The following BEAN1 variants were observed in gnomAD, a reference collection of about 807,000 sequenced individuals.
BEAN1 encodes protein BEAN1.
In BEAN1, 17 loss-of-function variants were observed where a neutral mutation model predicts 17.7. That is an observed-to-expected ratio of 0.96 (90% CI 0.66 to 1.44). The LOEUF (loss-of-function observed/expected upper bound fraction) is 1.44. Ranked by LOEUF, BEAN1 falls within the 40% of genes most tolerant of loss-of-function variation. BEAN1 has a pLI of 0.00. For synonymous variants in BEAN1, 142 were observed against 151.8 expected, an observed-to-expected ratio of 0.94 and a Z score of 0.47; for missense variants, 359 against 374.1, an observed-to-expected ratio of 0.96 and a Z score of 0.33.
Position 66,492,860 on chromosome 16 carries a change from G to C in BEAN1, c.148-102G>C, listed in dbSNP as rs538502020. 1.1e-4 allele frequency: 70 copies of C among 614,014 alleles called. 2 individuals are homozygous for C. The South Asian group carries it at 1.3e-3, about 11-fold the overall frequency. 38.0% of individuals were successfully genotyped at this position (614,014 alleles called of 1,614,324 possible). A position where few individuals can be genotyped will look rare whatever the true frequency, so the allele number is the denominator to read the frequency against. On this transcript the variant is annotated intron_variant, in intron 4 of 4. Transcript: ENST00000561796. Reference sequence around the variant, plus strand: ...ATCCACGTGCTTCTCAGGAGCCCCTGGTGTCCCTCGGCACCAGCCCTTGGT... The same window carrying C: ...ATCCACGTGCTTCTCAGGAGCCCCTCGTGTCCCTCGGCACCAGCCCTTGGT...
At chr16:66,440,679 G>A (rs1475766075) in intron 2 of BEAN1, among the ~76,000 whole-genome samples, 4 of 152,156 alleles carry the variant, frequency 2.6e-5, no homozygotes, top group Admixed American at 1.3e-4. Flanking sequence ...CGCTTTCAGC[G>A]GCAGCCTCTA....
chr16:66,464,079 CT>C (rs1306067199), intron 2 of BEAN1, among the ~76,000 whole-genome samples: 3 of 152,156 alleles, frequency 2.0e-5, no homozygotes, highest in Non-Finnish European at 4.4e-5. Flanking sequence ...CAACTTTGTT[CT>C]TCTTTTGAGG....
chr16:66,445,475 C>CAAAAAAAAAAAAAAAAAA (rs61540693), intron 2 of BEAN1, among the ~76,000 whole-genome samples: 2 of 49,304 alleles, frequency 4.1e-5, no homozygotes, highest in Non-Finnish European at 3.5e-5. Context: ...GACTCCGTCT[C>CAAAAAAAAAAAAAAAAAA]AAAAAAAAAA....
intron 2 of BEAN1, among the ~76,000 whole-genome samples, chr16:66,443,420 C>T (rs1044806333): frequency 2.2e-4 from 34 of 152,174 alleles, no homozygotes; most frequent in Non-Finnish European, 1.8e-4. Flanking sequence ...GAAAATGGTG[C>T]GGTCAGGGCT....
intron 1 of BEAN1, among the ~76,000 whole-genome samples, chr16:66,435,849 A>G (rs1961993517): frequency 6.6e-6 from 1 of 152,164 alleles, no homozygotes; most frequent in Non-Finnish European, 1.5e-5. Flanking sequence ...TCTGTGCTCA[A>G]AAGTCTAATC....
intron 2 of BEAN1, among the ~76,000 whole-genome samples, chr16:66,440,669 C>A (rs151064912): frequency 6.6e-6 from 1 of 152,212 alleles, no homozygotes; most frequent in East Asian, 1.9e-4. Context: ...TCAGCCTCAC[C>A]GCTTTCAGCG....
intron 1 of BEAN1, among the ~76,000 whole-genome samples, chr16:66,435,982 A>G (rs1961999229): frequency 6.6e-6 from 1 of 151,950 alleles, no homozygotes; most frequent in South Asian, 2.1e-4. Flanking sequence ...TGCTTTAGGG[A>G]TGAGGGATAT....
chr16:66,475,132 T>C (rs28635218), intron 3 of BEAN1, among the ~76,000 whole-genome samples: 152 of 151,984 alleles, frequency 1.0e-3, no homozygotes, highest in African/African-American at 3.5e-3. Context: ...GCTTCCGGAG[T>C]CCTGGACTAT....
At position 66,482,799 on chromosome 16, in the gene BEAN1, A is replaced by G. The variant is rs1964026455; in HGVS notation, c.*1874A>G. On this transcript the variant is annotated 3_prime_UTR_variant, in exon 5 of 5. Coordinates refer to ENST00000536005, the MANE Select transcript of BEAN1 (RefSeq NM_001178020.3). ...TTTCTGTGTTCAAAATAAATACATA[A>G]TATCAATAAAATGTAGCAAGAAGTA... 1 of 446,822 alleles carries G rather than the reference A, an allele frequency of 2.2e-6. No individual in the cohort carries two copies. The highest frequency in any genetic ancestry group is 1.6e-5 in the South Asian group (1 of 61,954). 27.7% of individuals were successfully genotyped at this position (446,822 alleles called of 1,614,324 possible). A position where few individuals can be genotyped will look rare whatever the true frequency, so the allele number is the denominator to read the frequency against.
intron 2 of BEAN1, among the ~76,000 whole-genome samples, chr16:66,460,996 G>A (rs1359050844): frequency 6.6e-6 from 1 of 152,170 alleles, no homozygotes; most frequent in Non-Finnish European, 1.5e-5. Flanking sequence ...AATACAGTAG[G>A]TGCTCAGGAG....
intron 2 of BEAN1, among the ~76,000 whole-genome samples, chr16:66,445,464 A>T: frequency 8.7e-6 from 1 of 115,602 alleles, no homozygotes; most frequent in East Asian, 2.9e-4. Flanking sequence ...CAAGAGAGTG[A>T]GACTCCGTCT....
chr16:66,454,433 A>G (rs1320834265), intron 2 of BEAN1, among the ~76,000 whole-genome samples: 1 of 152,218 alleles, frequency 6.6e-6, no homozygotes, highest in Non-Finnish European at 1.5e-5. Flanking sequence ...TAATACATAT[A>G]TAGTTTTTAT....
chr16:66,481,104 C>G lies in BEAN1; in HGVS notation c.*179C>G. On this transcript the variant is annotated 3_prime_UTR_variant, in exon 5 of 5. Transcript: ENST00000536005. The surrounding 1 kb of genome is among the most constrained non-coding windows in gnomAD (Gnocchi z 4.1). ...CCCCATGTACACACACAGATCTAGA[C>G]GTGCTCCACATATGTGTGAATATGC... is the stretch of plus-strand genomic sequence containing the variant. 1 of 537,196 alleles carries G rather than the reference C, an allele frequency of 1.9e-6. No homozygotes were observed. The highest frequency in any genetic ancestry group is 3.2e-6 in the Non-Finnish European group (1 of 314,840). 33.3% of individuals were successfully genotyped at this position (537,196 alleles called of 1,614,324 possible).
At chr16:66,493,251 G>A in exon 5 of BEAN1, 2 of 703,008 alleles carry the variant, frequency 2.8e-6, no homozygotes, top group Non-Finnish European at 2.6e-6. Context: ...GTGAAGCCCT[G>A]CAGCTGCCTC....
intron 2 of BEAN1, among the ~76,000 whole-genome samples, chr16:66,447,736 G>A (rs911097293): frequency 2.0e-5 from 3 of 152,170 alleles, no homozygotes; most frequent in African/African-American, 7.2e-5. Flanking sequence ...TACCTCATAG[G>A]TTGGTTGCAA....
chr16:66,443,326 AAGGGAGGGGTCAG>A (rs1962328872), intron 2 of BEAN1, among the ~76,000 whole-genome samples: 2 of 152,192 alleles, frequency 1.3e-5, no homozygotes, highest in South Asian at 2.1e-4. Flanking sequence ...GAAGTCCTGC[AAGGGAGGGGTCAG>A]TGTGCCCATT....
intron 2 of BEAN1, among the ~76,000 whole-genome samples, chr16:66,460,668 T>C (rs909110110): frequency 6.6e-6 from 1 of 152,230 alleles, no homozygotes; most frequent in African/African-American, 2.4e-5. Context: ...GCTCTGGCTA[T>C]ATATCAAGTG....
chr16:66,477,004 T>C (rs1052050301), intron 3 of BEAN1, among the ~76,000 whole-genome samples: 4 of 152,106 alleles, frequency 2.6e-5, no homozygotes, highest in African/African-American at 9.7e-5. Context: ...TCTGAAGCCC[T>C]CATTCCTTGC....
chr16:66,480,817 C>T lies in BEAN1; in HGVS notation c.672C>T (p.Pro224=). 1.9e-6 allele frequency: 3 copies of T among 1,539,918 alleles called. No individual in the cohort carries two copies. Among genetic ancestry groups the T allele is most frequent in the Admixed American group, 2.0e-5 (1 of 50,272 alleles). Residue 224 remains proline (P), a synonymous_variant, in exon 5 of 5, where the codon CCC becomes CCT. Coordinates refer to ENST00000536005, the MANE Select transcript of BEAN1 (RefSeq NM_001178020.3). ...PPYEAVCGAG[P]PSGLLPLPGP... is the part of the protein sequence containing the mutation. ...ACGAGGCTGTGTGCGGGGCTGGCCC[C>T]CCATCAGGCCTGCTGCCACTGCCGG... is the stretch of plus-strand genomic sequence containing the variant.
Sources: gnomAD v4.1 joint callset for allele counts (sites outside exome capture counted in the v4.1 genomes callset) on GRCh38, gnomAD v4.1.1 for gene constraint, Gnocchi (gnomAD v3.1) non-coding constraint, MANE v1.5 for transcripts, NCBI Gene and HGNC (gene_info 2026-07-23, HGNC 2026-07-21) for gene names.